The following ADGRL3 variants were observed in gnomAD, a reference collection of about 807,000 sequenced individuals.
ADGRL3 encodes adhesion G protein-coupled receptor L3, also known as calcium-independent alpha-latrotoxin receptor 3.
A neutral mutation model predicts 153.5 loss-of-function variants in ADGRL3; 62 were observed. The ratio of observed to expected loss-of-function variants is 0.40; its 90% confidence interval spans 0.33 to 0.50. The LOEUF is 0.50. Among genes scored for constraint, ADGRL3 ranks in the 20% least tolerant of loss-of-function variants. The pLI is 0.47. For synonymous variants in ADGRL3, 710 were observed against 672.5 expected (o/e 1.06, Z -0.86); for missense variants, 1,641 against 1,859.4 (o/e 0.88, Z 2.16).
chr4:61,652,399 A>G (rs1448522395), intron 5 of ADGRL3, among the ~76,000 whole-genome samples: 1 of 152,174 alleles, frequency 6.6e-6, no homozygotes, highest in African/African-American at 2.4e-5. Flanking sequence ...TTAATTGATT[A>G]AATAAAGCGG....
intron 23 of ADGRL3, among the ~76,000 whole-genome samples, chr4:62,033,941 T>G (rs1385594144): frequency 6.6e-6 from 1 of 151,812 alleles, no homozygotes; most frequent in Non-Finnish European, 1.5e-5. Context: ...TATTAGCCAA[T>G]GCCTCTTTCA....
intron 5 of ADGRL3, among the ~76,000 whole-genome samples, chr4:61,661,735 G>A (rs1016003268): frequency 1.3e-5 from 2 of 151,970 alleles, no homozygotes; most frequent in African/African-American, 4.8e-5. Flanking sequence ...TTAGGCATTT[G>A]ATTTCATACT....
At chr4:61,748,983 G>T (rs1034010432) in intron 8 of ADGRL3, among the ~76,000 whole-genome samples, 15 of 151,346 alleles carry the variant, frequency 9.9e-5, no homozygotes, top group African/African-American at 3.7e-4. Context: ...CTAATATCCA[G>T]AATCTACAAT....
At chr4:61,775,584 C>G (rs2097138702) in intron 8 of ADGRL3, 4 of 972,708 alleles carry the variant, frequency 4.1e-6, no homozygotes, top group East Asian at 2.4e-5. Flanking sequence ...AGAGGCCTAC[C>G]CTTTCCCCTA....
chr4:61,479,054 TTC>T (rs2098101360), intron 2 of ADGRL3, among the ~76,000 whole-genome samples: 1 of 152,080 alleles, frequency 6.6e-6, no homozygotes, highest in Non-Finnish European at 1.5e-5. Flanking sequence ...GTCAAAATTT[TTC>T]TCTTTCTTTT....
At chr4:61,599,893 A>T (rs985952214) in intron 5 of ADGRL3, among the ~76,000 whole-genome samples, 2 of 152,200 alleles carry the variant, frequency 1.3e-5, no homozygotes, top group African/African-American at 4.8e-5. Flanking sequence ...TTTTATAAAT[A>T]AATTTTCTGA....
At chr4:61,334,045 T>C (rs1404583880) in intron 1 of ADGRL3, among the ~76,000 whole-genome samples, 1 of 151,546 alleles carries the variant, frequency 6.6e-6, no homozygotes, top group Non-Finnish European at 1.5e-5. Flanking sequence ...CCCCTCCAAA[T>C]AGCTGGAATT....
intron 9 of ADGRL3, among the ~76,000 whole-genome samples, chr4:61,883,105 G>A (rs963637092): frequency 6.6e-6 from 1 of 152,174 alleles, no homozygotes; most frequent in African/African-American, 2.4e-5. Context: ...ATCAGAATGA[G>A]ACTCTGTCTC....
At chr4:61,650,825 A>T (rs1044858997) in intron 5 of ADGRL3, among the ~76,000 whole-genome samples, 1 of 152,182 alleles carries the variant, frequency 6.6e-6, no homozygotes, top group Non-Finnish European at 1.5e-5. Flanking sequence ...TGAAATAATT[A>T]TGAAAATAAT....
chr4:61,835,337 G>GAAAAAA (rs34440166), intron 9 of ADGRL3, among the ~76,000 whole-genome samples: 17 of 33,060 alleles, frequency 5.1e-4, no homozygotes, highest in Admixed American at 9.3e-4. Flanking sequence ...TGGCAAGACT[G>GAAAAAA]AAAAAAAAAA....
chr4:61,343,093 G>C (rs576504028), intron 1 of ADGRL3, among the ~76,000 whole-genome samples: 5 of 152,238 alleles, frequency 3.3e-5, no homozygotes, highest in Admixed American at 3.3e-4. Context: ...ACAGTATGGA[G>C]AAACTGCCTC....
intron 9 of ADGRL3, among the ~76,000 whole-genome samples, chr4:61,859,319 A>G (rs185984479): frequency 2.0e-5 from 3 of 152,354 alleles, no homozygotes; most frequent in South Asian, 4.1e-4. Context: ...AGGAAGCTAC[A>G]TGAAATACTT....
chr4:61,697,516 G>A (rs560705901), intron 6 of ADGRL3, among the ~76,000 whole-genome samples: 17 of 149,106 alleles, frequency 1.1e-4, no homozygotes, highest in Admixed American at 2.7e-4. Flanking sequence ...CCAAGATCAC[G>A]CCATTACACT....
At chr4:61,359,148 G>A (rs568369325) in intron 1 of ADGRL3, among the ~76,000 whole-genome samples, 2 of 152,194 alleles carry the variant, frequency 1.3e-5, no homozygotes, top group South Asian at 2.1e-4. Flanking sequence ...TGTACATTGA[G>A]ATATTACCTC....
At chr4:61,767,231 A>G (rs927877456) in intron 8 of ADGRL3, among the ~76,000 whole-genome samples, 3 of 152,030 alleles carry the variant, frequency 2.0e-5, no homozygotes, top group Non-Finnish European at 2.9e-5. Flanking sequence ...TAGTCCAGGA[A>G]TAGTCAGGGA....
intron 25 of ADGRL3, among the ~76,000 whole-genome samples, chr4:62,049,788 G>A (rs1271789572): frequency 6.6e-6 from 1 of 152,036 alleles, no homozygotes; most frequent in East Asian, 1.9e-4. Context: ...TTCTAAGAAT[G>A]GACACCTGAG....
At chr4:61,784,714 AG>A (rs1279332112) in intron 8 of ADGRL3, among the ~76,000 whole-genome samples, 6 of 152,274 alleles carry the variant, frequency 3.9e-5, no homozygotes, top group African/African-American at 1.4e-4. Context: ...ATCAGCTTTT[AG>A]GAAGAATGTC....
At chr4:61,933,848 T>C (rs1399177269) in intron 13 of ADGRL3, 2 of 152,220 alleles carry the variant, frequency 1.3e-5, no homozygotes, top group African/African-American at 4.8e-5. Flanking sequence ...AAAACACTTA[T>C]GTGCTGCCTG....
chr4:61,769,436 T>A (rs2097053616), intron 8 of ADGRL3, among the ~76,000 whole-genome samples: 1 of 152,080 alleles, frequency 6.6e-6, no homozygotes, highest in South Asian at 2.1e-4. Context: ...CTGGTCGGTC[T>A]GAAGACCTGA....
Sources: gnomAD v4.1 joint callset for allele counts (sites outside exome capture counted in the v4.1 genomes callset) on GRCh38, gnomAD v4.1.1 for gene constraint, MANE v1.5 for transcripts, NCBI Gene and HGNC (gene_info 2026-07-23, HGNC 2026-07-21) for gene names.